The following RANBP2 variants were observed in gnomAD, a reference collection of about 807,000 sequenced individuals.
RANBP2 encodes E3 SUMO-protein ligase RanBP2.
A neutral mutation model predicts 303.6 loss-of-function variants in RANBP2; 57 were observed. The ratio of observed to expected loss-of-function variants is 0.19; its 90% confidence interval spans 0.15 to 0.23. The LOEUF (loss-of-function observed/expected upper bound fraction) is 0.23. Ranked by LOEUF, RANBP2 falls within the 10% of genes least tolerant of loss-of-function variation. RANBP2 has a pLI of 1.00. For synonymous variants in RANBP2, 1,167 were observed against 1,301.5 expected, an observed-to-expected ratio of 0.90 and a Z score of 2.23; for missense variants, 3,138 against 3,780.8, an observed-to-expected ratio of 0.83 and a Z score of 4.46.
chr2:109,678,239 C>T, the RANBP2 span, among the ~76,000 whole-genome samples: 1 of 152,194 alleles, frequency 6.6e-6, no homozygotes, highest in Non-Finnish European at 1.5e-5. Context: ...TAAAGGATCA[C>T]AAGAGCAAAA....
the RANBP2 span, among the ~76,000 whole-genome samples, chr2:109,363,231 C>CT: frequency 6.6e-6 from 1 of 151,858 alleles, no homozygotes; most frequent in Non-Finnish European, 1.5e-5. Flanking sequence ...AGTTGTACCT[C>CT]TTTTTTTACT....
chr2:109,001,186 A>G, the RANBP2 span, among the ~76,000 whole-genome samples: 3,530 of 152,312 alleles, frequency 0.023, 162 homozygotes, highest in African/African-American at 0.079. Context: ...AGGCACTCAC[A>G]GCAAGTCCAG....
the RANBP2 span, among the ~76,000 whole-genome samples, chr2:109,558,631 G>A: frequency 0.45 from 69,083 of 151,966 alleles, 16,143 homozygotes; most frequent in African/African-American, 0.55. Flanking sequence ...TGACAAGCCT[G>A]CGATTGGTGC....
the RANBP2 span, among the ~76,000 whole-genome samples, chr2:109,597,964 C>T: frequency 6.6e-6 from 1 of 152,234 alleles, no homozygotes; most frequent in Non-Finnish European, 1.5e-5. Context: ...TTTCCTTACC[C>T]TGCTGGGAAA....
chr2:109,089,963 C>T, the RANBP2 span, among the ~76,000 whole-genome samples: 4 of 152,250 alleles, frequency 2.6e-5, no homozygotes, highest in East Asian at 3.9e-4. Flanking sequence ...CCAGCTGATG[C>T]AAACTGGCAG....
At chr2:109,036,591 T>G in the RANBP2 span, among the ~76,000 whole-genome samples, 1 of 152,190 alleles carries the variant, frequency 6.6e-6, no homozygotes, top group Non-Finnish European at 1.5e-5. Context: ...TAAAAATGAT[T>G]ATATCATTTG....
At chr2:109,197,001 G>C in the RANBP2 span, among the ~76,000 whole-genome samples, 1 of 152,172 alleles carries the variant, frequency 6.6e-6, no homozygotes, top group African/African-American at 2.4e-5. Context: ...ATTTCCCTTA[G>C]CCCTCACCAT....
chr2:109,102,280 T>C, the RANBP2 span, among the ~76,000 whole-genome samples: 1 of 151,906 alleles, frequency 6.6e-6, no homozygotes, highest in South Asian at 2.1e-4. Flanking sequence ...TTTTGTATTT[T>C]TAGTAGAGAC....
the RANBP2 span, among the ~76,000 whole-genome samples, chr2:108,998,926 T>C: frequency 6.6e-6 from 1 of 152,204 alleles, no homozygotes; most frequent in Non-Finnish European, 1.5e-5. Flanking sequence ...CCTGGTTCCC[T>C]GCTAGCCTCA....
chr2:109,534,799 G>GTTTTTTTGTTTTGTTTTGTTTTGTT, the RANBP2 span, among the ~76,000 whole-genome samples: 48 of 143,854 alleles, frequency 3.3e-4, no homozygotes, highest in African/African-American at 1.3e-3. Flanking sequence ...GGGAGTGAAA[G>GTTTTTTTGTTTTGTTTTGTTTTGTT]TTGTTTTGTT....
the RANBP2 span, among the ~76,000 whole-genome samples, chr2:109,051,518 G>T: frequency 1.3e-5 from 2 of 152,204 alleles, no homozygotes; most frequent in South Asian, 4.1e-4. Context: ...GAAGCATGCA[G>T]AATGTGTATT....
the RANBP2 span, among the ~76,000 whole-genome samples, chr2:109,727,658 G>T: frequency 5.3e-5 from 8 of 152,196 alleles, no homozygotes; most frequent in Non-Finnish European, 1.2e-4. Flanking sequence ...CACATCTGAT[G>T]ATGCCCTGGG....
chr2:109,233,617 G>A, the RANBP2 span, among the ~76,000 whole-genome samples: 404 of 152,304 alleles, frequency 2.7e-3, 2 homozygotes, highest in African/African-American at 4.6e-3. Flanking sequence ...GGCCTTTGCC[G>A]GGGAACCACC....
At chr2:109,360,701 T>C in the RANBP2 span, among the ~76,000 whole-genome samples, 1 of 152,378 alleles carries the variant, frequency 6.6e-6, no homozygotes, top group South Asian at 2.1e-4. Context: ...CAAGTATTAG[T>C]TCTAGAAGTT....
At chr2:109,219,926 C>G in the RANBP2 span, among the ~76,000 whole-genome samples, 1 of 152,284 alleles carries the variant, frequency 6.6e-6, no homozygotes, top group East Asian at 1.9e-4. Context: ...TAAAAAAGCA[C>G]TCTAAAATTT....
chr2:109,016,908 G>A, the RANBP2 span, among the ~76,000 whole-genome samples: 1 of 152,214 alleles, frequency 6.6e-6, no homozygotes, highest in African/African-American at 2.4e-5. Flanking sequence ...GAAAGAACGG[G>A]ATACAATTCC....
chr2:109,778,488 G>T, the RANBP2 span, among the ~76,000 whole-genome samples: 3 of 149,886 alleles, frequency 2.0e-5, no homozygotes, highest in Admixed American at 6.7e-5. Flanking sequence ...TAGTAGCCAG[G>T]CATTGGACAA....
chr2:109,181,135 C>G, the RANBP2 span, among the ~76,000 whole-genome samples: 1 of 152,174 alleles, frequency 6.6e-6, no homozygotes, highest in Non-Finnish European at 1.5e-5. Flanking sequence ...GAAGGTCCTT[C>G]CAGCTCGTCT....
chr2:108,873,288 A>T, the RANBP2 span: 1 of 245,816 alleles, frequency 4.1e-6, no homozygotes, highest in Non-Finnish European at 5.5e-6. Flanking sequence ...TGGATGTTTT[A>T]ATTTTTCAAA....
Sources: allele counts gnomAD v4.1 joint callset (sites outside exome capture counted in the v4.1 genomes callset), GRCh38; gene constraint gnomAD v4.1.1; transcripts MANE v1.5; gene names NCBI Gene and HGNC (gene_info 2026-07-23, HGNC 2026-07-21).